Variants in MARCHF4 observed in about 807,000 individuals in gnomAD.
The protein encoded by MARCHF4 is E3 ubiquitin-protein ligase MARCHF4.
Under a neutral mutation model 43.9 loss-of-function variants are expected in MARCHF4, and 14 were observed. The ratio of observed to expected loss-of-function variants is 0.32; its 90% CI spans 0.21 to 0.50. The LOEUF (loss-of-function observed/expected upper bound fraction) is 0.50. Ranked by LOEUF, MARCHF4 falls within the 20% of genes least tolerant of loss-of-function variation. The pLI, the probability that MARCHF4 is intolerant of heterozygous loss-of-function variation, is 0.98. For missense variants in MARCHF4, 468 were observed against 536.7 expected (o/e 0.87, Z 1.27); for synonymous variants, 226 against 213.3 (o/e 1.06, Z -0.52).
chr2:216,266,456 G>T lies in MARCHF4; in HGVS notation c.866-6777C>A, dbSNP rs575383707. Among the ~76,000 whole-genome samples the T allele has an allele frequency of 6.7e-4, 102 of 152,244 alleles. 1 individual carries two copies. In the South Asian group the frequency reaches 0.02, roughly 30 times the overall value. ...ATTGGCAACCTTGTCCCCAACACAA[G>T]TACCTGCTCTTTCATCTCCTGACTC... On this transcript the variant is annotated intron_variant, in intron 3 of 3. Coordinates refer to ENST00000273067, the MANE Select transcript of MARCHF4 (RefSeq NM_020814.3).
At chr2:216,342,400 G>A (rs1169620181) in intron 1 of MARCHF4, among the ~76,000 whole-genome samples, 4 of 152,192 alleles carry the variant, frequency 2.6e-5, no homozygotes, top group African/African-American at 9.7e-5. Context: ...AAATCTGCCT[G>A]TCTCCAAGGA....
chr2:216,344,476 C>T (rs1162656075), intron 1 of MARCHF4, among the ~76,000 whole-genome samples: 1 of 152,100 alleles, frequency 6.6e-6, no homozygotes, highest in African/African-American at 2.4e-5. Context: ...GCAGCCAGTC[C>T]TCATGGTCAC....
intron 1 of MARCHF4, among the ~76,000 whole-genome samples, chr2:216,362,881 T>G (rs917772930): frequency 4.6e-5 from 7 of 152,192 alleles, no homozygotes; most frequent in African/African-American, 1.7e-4. Flanking sequence ...GGGGATGGTA[T>G]GCAGCTTGGG....
Position 216,258,678 on chromosome 2 carries a change from G to C in MARCHF4, c.*634C>G, listed in dbSNP as rs866288660. ...TTCCATTTGGAAGTTCCTTCAGGAA[G>C]GAGACACACTCTCCCTCTGGCTGCT... is the stretch of plus-strand genomic sequence containing the variant. On this transcript the variant is annotated 3_prime_UTR_variant, in exon 4 of 4. Coordinates refer to ENST00000273067, the MANE Select transcript of MARCHF4 (RefSeq NM_020814.3). The C allele has an allele frequency of 6.5e-6, 1 of 152,674 alleles. No homozygotes were observed. The highest frequency in any genetic ancestry group is 1.5e-5 in the Non-Finnish European group (1 of 68,086). 9.5% of individuals were successfully genotyped at this position (152,674 alleles called of 1,614,324 possible).
In MARCHF4 at chr2:216,370,089, G is replaced by A. The variant is rs1366751153; in HGVS notation, c.172C>T (p.Pro58Ser). ...DLKVFLLRRPPQAPLPMHGDP... is the reference protein window; with the variant it reads ...DLKVFLLRRPSQAPLPMHGDP... The stretch of plus-strand genomic sequence containing the variant: ...CCGTGCATGGGCAGGGGCGCTTGAG[G>A]AGGGCGCCGCAGTAAGAAAACCTTC... The change falls in exon 1 of 4, where the codon CCT becomes TCT. Residue 58 changes from proline to serine, a missense_variant. This residue lies in a region of MARCHF4 where 190 missense variants were observed against 158.5 expected (regional missense o/e 1.20). Coordinates refer to ENST00000273067, the MANE Select transcript of MARCHF4 (RefSeq NM_020814.3). 6.3e-7 allele frequency: 1 copy of A among 1,582,834 alleles called. No homozygotes were observed.
chr2:216,261,276 G>A lies in MARCHF4; in HGVS notation c.866-1597C>T, dbSNP rs115789742. Among the ~76,000 whole-genome samples, 743 of 152,214 alleles carry A rather than the reference G, an allele frequency of 4.9e-3. 6 individuals are homozygous for A. Among genetic ancestry groups the A allele is most frequent in the African/African-American group, 0.017 (705 of 41,518 alleles). On this transcript the variant is annotated intron_variant, in intron 3 of 3. Coordinates refer to ENST00000273067, the MANE Select transcript of MARCHF4 (RefSeq NM_020814.3). ...TGGTTCTTTCTGGAGGCTTTGAGGG[G>A]GAAGAATCTGTCTTCTTGCCTTTTT...
At chr2:216,313,754 G>C (rs956940327) in intron 1 of MARCHF4, among the ~76,000 whole-genome samples, 2 of 152,122 alleles carry the variant, frequency 1.3e-5, no homozygotes, top group Admixed American at 1.3e-4. Context: ...ATTTTTTCAG[G>C]GCTTTCAAAG....
rs1051980440 is a variant in MARCHF4 at position 216,371,956 on chromosome 2, A to G, written c.-1696T>C. ...GTTGCTACCTCTCCTCGCAGATGCA[A>G]CGAGGTAAGGCTTGTTTGCGGTGCC... On this transcript the variant is annotated 5_prime_UTR_variant, in exon 1 of 4. Transcript: ENST00000273067. 8.5e-5 allele frequency: 13 copies of G among 152,066 alleles called. No homozygotes were observed. Among genetic ancestry groups the G allele is most frequent in the African/African-American group, 2.9e-4 (12 of 41,412 alleles). The allele number at this position is 152,066 out of a possible 1,614,324, so 9.4% of individuals were successfully genotyped here.
chr2:216,315,638 C>A (rs765029907), intron 1 of MARCHF4, among the ~76,000 whole-genome samples: 48 of 152,284 alleles, frequency 3.2e-4, no homozygotes, highest in Non-Finnish European at 5.3e-4. Context: ...GTGCAGCTTA[C>A]AAAACAGCAC....
intron 1 of MARCHF4, among the ~76,000 whole-genome samples, chr2:216,326,967 AAAAT>A (rs144064953): frequency 2.6e-5 from 4 of 152,078 alleles, no homozygotes; most frequent in African/African-American, 4.8e-5. Context: ...ATAATAATAA[AAAAT>A]AAATAAATAA....
At chr2:216,331,524 T>C (rs562778693) in intron 1 of MARCHF4, among the ~76,000 whole-genome samples, 44 of 152,142 alleles carry the variant, frequency 2.9e-4, no homozygotes, top group African/African-American at 8.4e-4. Context: ...GACATACACA[T>C]GAAAAGGAGA....
chr2:216,300,022 T>C (rs150614781), intron 1 of MARCHF4, among the ~76,000 whole-genome samples: 8 of 152,318 alleles, frequency 5.3e-5, no homozygotes, highest in Non-Finnish European at 1.2e-4. Context: ...TCATGTGGCT[T>C]ACTTCGGAGT....
chr2:216,268,454 T>C (rs559650354), intron 3 of MARCHF4, among the ~76,000 whole-genome samples: 150 of 152,294 alleles, frequency 9.8e-4, no homozygotes, highest in African/African-American at 3.5e-3. Context: ...CCCATGCTGT[T>C]CTTGTGATAG....
At chr2:216,322,378 G>C (rs894524492) in intron 1 of MARCHF4, among the ~76,000 whole-genome samples, 1 of 152,188 alleles carries the variant, frequency 6.6e-6, no homozygotes, top group African/African-American at 2.4e-5. Context: ...GCCCAATTCT[G>C]GTTTATAGCA....
chr2:216,301,837 C>T (rs79770913), intron 1 of MARCHF4, among the ~76,000 whole-genome samples: 7,545 of 152,190 alleles, frequency 0.05, 606 homozygotes, highest in African/African-American at 0.17. Context: ...ATGAGGGCAA[C>T]AGTATTGCTG....
intron 1 of MARCHF4, among the ~76,000 whole-genome samples, chr2:216,341,343 T>C (rs1692232856): frequency 6.6e-6 from 1 of 152,206 alleles, no homozygotes; most frequent in Non-Finnish European, 1.5e-5. Context: ...CCCTCAACCA[T>C]GGCTCCTAGA....
At chr2:216,298,256 G>GTTTTTTT in intron 1 of MARCHF4, among the ~76,000 whole-genome samples, 1 of 66,776 alleles carries the variant, frequency 1.5e-5, no homozygotes, top group Non-Finnish European at 2.7e-5. Context: ...AGTCTTTTAG[G>GTTTTTTT]TTTTTTTTTT....
intron 3 of MARCHF4, among the ~76,000 whole-genome samples, chr2:216,273,707 G>A (rs1054895393): frequency 3.3e-5 from 5 of 152,196 alleles, no homozygotes; most frequent in African/African-American, 9.7e-5. Flanking sequence ...ACTGTAGAAT[G>A]CCTCAGATGT....
intron 1 of MARCHF4, among the ~76,000 whole-genome samples, chr2:216,320,654 TCTTTCTTTCTTTCTTTC>T (rs1559098605): frequency 1.9e-4 from 24 of 123,316 alleles, no homozygotes; most frequent in African/African-American, 7.0e-4. Flanking sequence ...TTTCTTTCTT[TCTTTCTTTCTTTCTTTC>T]TTTCTTTTTT....
Sources: gnomAD v4.1 joint callset for allele counts (sites outside exome capture counted in the v4.1 genomes callset) on GRCh38, gnomAD v4.1.1 for gene constraint, gnomAD v4.1.1 regional missense constraint, MANE v1.5 for transcripts, NCBI Gene and HGNC (gene_info 2026-07-23, HGNC 2026-07-21) for gene names.